ZNF277: variants seen among roughly 807,000 people sequenced by gnomAD.
ZNF277 encodes the protein nuclear receptor-interacting factor 4.
ZNF277 carries 55 observed loss-of-function variants against 60.7 expected under a neutral mutation model. The ratio of observed to expected loss-of-function variants is 0.91; its 90% confidence interval spans 0.73 to 1.13. The LOEUF is 1.13. Among genes scored for constraint, ZNF277 ranks in the 50% most tolerant of loss-of-function variants. The probability of loss-of-function intolerance (pLI) is 0.00; values close to 1 mark genes in which losing one functional copy is unlikely to be tolerated. For synonymous variants in ZNF277, 178 were observed against 179.3 expected (o/e 0.99, Z 0.06); for missense variants, 510 against 523.0 (o/e 0.98, Z 0.24).
chr7:112,206,820 C>G lies in ZNF277; in HGVS notation c.91+13C>G. On this transcript the variant is annotated intron_variant, in intron 1 of 11. Transcript: ENST00000361822. ...GTAGGTTATGGGGGTGAGTACGGTG[C>G]CCCGGAGGCGCGGCTGATGTGTCTT... The G allele has an allele frequency of 6.2e-7, 1 of 1,611,444 alleles. No homozygotes were observed. Among genetic ancestry groups the G allele is most frequent in the Non-Finnish European group, 8.5e-7 (1 of 1,178,574 alleles).
At chr7:112,249,215 A>G (rs1480152285) in intron 1 of ZNF277, among the ~76,000 whole-genome samples, 2 of 152,130 alleles carry the variant, frequency 1.3e-5, no homozygotes, top group African/African-American at 4.8e-5. Flanking sequence ...GTCTAAAGCA[A>G]TTTTATGTTG....
intron 1 of ZNF277, among the ~76,000 whole-genome samples, chr7:112,257,849 T>C (rs1292651975): frequency 6.6e-6 from 1 of 152,150 alleles, no homozygotes; most frequent in Non-Finnish European, 1.5e-5. Flanking sequence ...GGTCTTGCTC[T>C]GTTGCCCAGG....
intron 2 of ZNF277, among the ~76,000 whole-genome samples, chr7:112,294,904 A>G (rs1792290295): frequency 6.6e-6 from 1 of 152,230 alleles, no homozygotes; most frequent in South Asian, 2.1e-4. Flanking sequence ...TGGACCTAAT[A>G]TATCCAAAAC....
intron 7 of ZNF277, chr7:112,330,501 T>A: frequency 3.2e-6 from 1 of 312,916 alleles, no homozygotes; most frequent in Non-Finnish European, 5.7e-6. Flanking sequence ...CCACATACCA[T>A]CCCCCATTTA....
intron 1 of ZNF277, among the ~76,000 whole-genome samples, chr7:112,217,784 G>T (rs1378440809): frequency 6.6e-6 from 1 of 152,152 alleles, no homozygotes; most frequent in Admixed American, 6.5e-5. Context: ...AACCTCCTCA[G>T]TTGTTCCTAG....
chr7:112,303,624 A>C (rs1792528888), intron 4 of ZNF277, among the ~76,000 whole-genome samples: 1 of 151,924 alleles, frequency 6.6e-6, no homozygotes, highest in African/African-American at 2.4e-5. Flanking sequence ...TTCTCTTCCT[A>C]CCTAAGCTAA....
chr7:112,322,359 T>C (rs1317370496), intron 5 of ZNF277, among the ~76,000 whole-genome samples: 1 of 152,144 alleles, frequency 6.6e-6, no homozygotes, highest in African/African-American at 2.4e-5. Flanking sequence ...TTTTTTTGTT[T>C]TGTTTTTTTC....
chr7:112,220,854 G>A (rs981850834), intron 1 of ZNF277, among the ~76,000 whole-genome samples: 4 of 152,114 alleles, frequency 2.6e-5, no homozygotes, highest in African/African-American at 9.7e-5. Flanking sequence ...GAGAGCATAG[G>A]GGGAGGGACA....
intron 5 of ZNF277, among the ~76,000 whole-genome samples, chr7:112,323,922 A>G (rs1322872614): frequency 6.6e-6 from 1 of 152,232 alleles, no homozygotes; most frequent in African/African-American, 2.4e-5. Context: ...AGAGAGCACT[A>G]TGTAGGGAAA....
downstream of ZNF277, among the ~76,000 whole-genome samples, chr7:112,343,934 G>GAAAAAAA (rs58956925): frequency 2.6e-5 from 3 of 113,880 alleles, no homozygotes; most frequent in Non-Finnish European, 2.0e-5. Flanking sequence ...TCAAAAAAAG[G>GAAAAAAA]AAAAAAAAAA....
intron 1 of ZNF277, among the ~76,000 whole-genome samples, chr7:112,236,483 T>G (rs1790788028): frequency 6.6e-6 from 1 of 152,048 alleles, no homozygotes; most frequent in Non-Finnish European, 1.5e-5. Context: ...CTTCTAAAAA[T>G]TTGAGTCAAT....
chr7:112,272,496 CTTTG>C (rs1230052298), intron 1 of ZNF277, among the ~76,000 whole-genome samples: 1 of 151,948 alleles, frequency 6.6e-6, no homozygotes, highest in Non-Finnish European at 1.5e-5. Flanking sequence ...TTGTTTGTTT[CTTTG>C]TTTATTTTTT....
At chr7:112,292,096 A>G (rs1412416297) in intron 2 of ZNF277, among the ~76,000 whole-genome samples, 1 of 152,314 alleles carries the variant, frequency 6.6e-6, no homozygotes, top group East Asian at 1.9e-4. Flanking sequence ...GAATCTCCCC[A>G]TGATTCTAAG....
intron 1 of ZNF277, among the ~76,000 whole-genome samples, chr7:112,268,862 T>C (rs1791604192): frequency 2.0e-5 from 3 of 152,192 alleles, no homozygotes; most frequent in South Asian, 2.1e-4. Flanking sequence ...TTAATAACTT[T>C]AGATAAACAG....
chr7:112,237,434 A>C (rs1348302337), intron 1 of ZNF277, among the ~76,000 whole-genome samples: 1 of 152,090 alleles, frequency 6.6e-6, no homozygotes, highest in Non-Finnish European at 1.5e-5. Context: ...AGTTCTGTTA[A>C]AAAAAGATAA....
chr7:112,290,462 A>G (rs1005412076), intron 2 of ZNF277, among the ~76,000 whole-genome samples: 4 of 152,210 alleles, frequency 2.6e-5, no homozygotes, highest in South Asian at 2.1e-4. Flanking sequence ...GGGATTATTC[A>G]TGCTCTAAAT....
chr7:112,254,175 C>A (rs1791255114), intron 1 of ZNF277, among the ~76,000 whole-genome samples: 1 of 152,200 alleles, frequency 6.6e-6, no homozygotes, highest in African/African-American at 2.4e-5. Context: ...TTTCAGAAAG[C>A]AATAAACCAC....
chr7:112,301,497 A>G (rs956196544), intron 4 of ZNF277, among the ~76,000 whole-genome samples: 2 of 152,184 alleles, frequency 1.3e-5, no homozygotes, highest in African/African-American at 4.8e-5. Context: ...AAAACAGGCA[A>G]TGGTCCCTGC....
chr7:112,292,073 GTTCTGCCA>G (rs1792218724), intron 2 of ZNF277, among the ~76,000 whole-genome samples: 1 of 152,142 alleles, frequency 6.6e-6, no homozygotes, highest in Non-Finnish European at 1.5e-5. Flanking sequence ...GGCAACCGAG[GTTCTGCCA>G]GGCAGAATCT....
Sources: allele counts gnomAD v4.1 joint callset (sites outside exome capture counted in the v4.1 genomes callset), GRCh38; gene constraint gnomAD v4.1.1; transcripts MANE v1.5; gene names NCBI Gene and HGNC (gene_info 2026-07-23, HGNC 2026-07-21).